Variants in RAB33B observed in about 807,000 individuals in gnomAD.
RAB33B encodes ras-related protein Rab-33B.
RAB33B carries 6 observed loss-of-function variants against 15.0 expected under a neutral mutation model. That is an observed-to-expected ratio of 0.40 (90% CI 0.22 to 0.79). RAB33B has a LOEUF of 0.79. Ranked by LOEUF, RAB33B falls within the 30% of genes least tolerant of loss-of-function variation. The pLI is 0.37. For synonymous variants in RAB33B, 117 were observed against 108.3 expected, an observed-to-expected ratio of 1.08 and a Z score of -0.50; for missense variants, 257 against 296.4, an observed-to-expected ratio of 0.87 and a Z score of 0.98.
the RAB33B span, among the ~76,000 whole-genome samples, chr4:139,439,347 TTGACTA>T: frequency 6.6e-6 from 1 of 152,232 alleles, no homozygotes; most frequent in Non-Finnish European, 1.5e-5. Flanking sequence ...TTTTACCACT[TTGACTA>T]TATTAGCTCA....
chr4:139,445,274 T>G, the RAB33B span, among the ~76,000 whole-genome samples: 1 of 152,232 alleles, frequency 6.6e-6, no homozygotes, highest in Non-Finnish European at 1.5e-5. Context: ...CTGTACTACC[T>G]CTGTGGTATA....
chr4:139,457,131 G>C (rs1283203718), intron 1 of RAB33B, among the ~76,000 whole-genome samples: 1 of 152,136 alleles, frequency 6.6e-6, no homozygotes, highest in Non-Finnish European at 1.5e-5. Flanking sequence ...CAGAAAGCAT[G>C]ACTTAACAAC....
intron 1 of RAB33B, among the ~76,000 whole-genome samples, chr4:139,465,497 T>G (rs1343399245): frequency 6.6e-6 from 1 of 152,180 alleles, no homozygotes; most frequent in Non-Finnish European, 1.5e-5. Flanking sequence ...TGCCTACGTT[T>G]TCTTCTAGCG....
chr4:139,454,156 G>A lies in RAB33B; in HGVS notation c.-40G>A, dbSNP rs1011302437. The A allele has an allele frequency of 6.3e-7, 1 of 1,575,568 alleles. No individual in the cohort carries two copies. Among genetic ancestry groups the A allele is most frequent in the Non-Finnish European group, 8.6e-7 (1 of 1,160,436 alleles). On this transcript the variant is annotated 5_prime_UTR_variant, in exon 1 of 2. Transcript: ENST00000305626. ...TGGCGTAATCTCTCAGCCTTTCTGT[G>A]TCTCCTTTCCTCCGCCTCAGTTTGG...
At chr4:139,442,301 C>T in the RAB33B span, among the ~76,000 whole-genome samples, 1 of 152,066 alleles carries the variant, frequency 6.6e-6, no homozygotes, top group Non-Finnish European at 1.5e-5. Context: ...TACTTAGGTT[C>T]TTTTAAAAAT....
At chr4:139,466,352 C>T (rs1196282525) in intron 1 of RAB33B, among the ~76,000 whole-genome samples, 3 of 151,986 alleles carry the variant, frequency 2.0e-5, no homozygotes, top group Non-Finnish European at 2.9e-5. Flanking sequence ...ATTTCCTTTT[C>T]GTGTGCTTTT....
Position 139,463,248 on chromosome 4 carries a change from T to A in RAB33B, c.249+8804T>A, listed in dbSNP as rs998711748. Among the ~76,000 whole-genome samples, 2 of 152,202 alleles carry A rather than the reference T, an allele frequency of 1.3e-5. 1 individual carries two copies. The highest frequency in any genetic ancestry group is 2.9e-5 in the Non-Finnish European group (2 of 68,038). ...GGTGCGATGTCAGCTAACCGCAACC[T>A]CTGCCTCCCAGGTTCAAGCCTATTA... On this transcript the variant is annotated intron_variant, in intron 1 of 1. Transcript: ENST00000305626.
At chr4:139,466,467 G>GA (rs761066673) in intron 1 of RAB33B, among the ~76,000 whole-genome samples, 3 of 151,942 alleles carry the variant, frequency 2.0e-5, no homozygotes, top group African/African-American at 7.2e-5. Context: ...CATTAGAAGA[G>GA]AAAAAAATCA....
rs143779307 is a variant in RAB33B, at chr4:139,456,414, C to T, written c.249+1970C>T. Among the ~76,000 whole-genome samples, 862 of 152,230 alleles carry T rather than the reference C, an allele frequency of 5.7e-3. 5 individuals carry two copies. Among genetic ancestry groups the T allele is most frequent in the South Asian group, 0.011 (55 of 4,818 alleles). ...TTATACTTAAAGATAACAGATGAAT[C>T]AGGTGCAAATTTAAGAGATAATAGT... is the stretch of plus-strand genomic sequence containing the variant. On this transcript the variant is annotated intron_variant, in intron 1 of 1. Coordinates refer to ENST00000305626, the MANE Select transcript of RAB33B (RefSeq NM_031296.3).
At chr4:139,453,493 G>A (rs1664017974), upstream of RAB33B, 1 of 152,372 alleles carries the variant, frequency 6.6e-6, no homozygotes, top group Non-Finnish European at 1.5e-5. Flanking sequence ...TTTCGGCGAG[G>A]ACTCGCGTCC....
chr4:139,459,397 T>C (rs1339581724), intron 1 of RAB33B, among the ~76,000 whole-genome samples: 1 of 152,100 alleles, frequency 6.6e-6, no homozygotes, highest in African/African-American at 2.4e-5. Flanking sequence ...GATCACACCA[T>C]TGCTCTCCAG....
the RAB33B span, among the ~76,000 whole-genome samples, chr4:139,442,186 G>T: frequency 6.6e-6 from 1 of 151,916 alleles, no homozygotes; most frequent in South Asian, 2.1e-4. Context: ...GATTTTTTGG[G>T]TGTAATTTTA....
At chr4:139,439,490 T>C in the RAB33B span, among the ~76,000 whole-genome samples, 1 of 152,254 alleles carries the variant, frequency 6.6e-6, no homozygotes, top group South Asian at 2.1e-4. Flanking sequence ...TTGATTATAA[T>C]GTATCTCAGT....
chr4:139,441,957 ATAC>A, the RAB33B span, among the ~76,000 whole-genome samples: 1 of 152,276 alleles, frequency 6.6e-6, no homozygotes, highest in Middle Eastern at 3.4e-3. Flanking sequence ...GTGACTTTAT[ATAC>A]TACTTTGGCT....
At chr4:139,462,004 C>G (rs1445413643) in intron 1 of RAB33B, among the ~76,000 whole-genome samples, 1 of 151,458 alleles carries the variant, frequency 6.6e-6, no homozygotes, top group African/African-American at 2.4e-5. Flanking sequence ...AAATGGCAAC[C>G]TAGCTACTGC....
chr4:139,470,246 G>T (rs1180173189), intron 1 of RAB33B, among the ~76,000 whole-genome samples: 1 of 152,232 alleles, frequency 6.6e-6, no homozygotes, highest in Non-Finnish European at 1.5e-5. Flanking sequence ...CTGTGGCTGA[G>T]CTGGCACTCA....
At chr4:139,447,668 T>TTC in the RAB33B span, among the ~76,000 whole-genome samples, 225 of 135,206 alleles carry the variant, frequency 1.7e-3, no homozygotes, top group African/African-American at 5.2e-3. Flanking sequence ...CTTTTTTTTT[T>TTC]TTTTTTTTTT....
chr4:139,441,984 T>G, the RAB33B span, among the ~76,000 whole-genome samples: 1 of 152,208 alleles, frequency 6.6e-6, no homozygotes, highest in Non-Finnish European at 1.5e-5. Context: ...CTCTCATGTT[T>G]CTATTTTTTT....
chr4:139,463,439 T>C (rs1750211718), intron 1 of RAB33B, among the ~76,000 whole-genome samples: 2 of 152,190 alleles, frequency 1.3e-5, no homozygotes, highest in South Asian at 4.1e-4. Context: ...CCTGGCCAAG[T>C]ATATATTATG....
Sources: gnomAD v4.1 joint callset for allele counts (sites outside exome capture counted in the v4.1 genomes callset) on GRCh38, gnomAD v4.1.1 for gene constraint, MANE v1.5 for transcripts, NCBI Gene and HGNC (gene_info 2026-07-23, HGNC 2026-07-21) for gene names.